ATXN2: variants seen among roughly 807,000 people sequenced by gnomAD.
ATXN2 encodes ataxin-2.
Under a neutral mutation model 138.6 loss-of-function variants are expected in ATXN2, and 37 were observed. The ratio of observed to expected loss-of-function variants is 0.27; its 90% CI spans 0.21 to 0.35. The LOEUF (loss-of-function observed/expected upper bound fraction) is 0.35. Ranked by LOEUF, ATXN2 falls within the 10% of genes least tolerant of loss-of-function variation. ATXN2 has a pLI of 1.00. For synonymous variants in ATXN2, 549 were observed against 543.7 expected, an observed-to-expected ratio of 1.01 and a Z score of -0.13; for missense variants, 1,216 against 1,480.3, an observed-to-expected ratio of 0.82 and a Z score of 2.93.
chr12:111,456,372 TA>T, intron 22 of ATXN2, 116 bp from the exon 23 acceptor site: 1 of 1,073,324 alleles, frequency 9.3e-7, no homozygotes, highest in African/African-American at 1.6e-5. Context: ...CACTGGAAAG[TA>T]CAGGAGAATG....
intron 3 of ATXN2, among the ~76,000 whole-genome samples, chr12:111,553,919 G>T (rs1305110287): frequency 6.6e-6 from 1 of 151,920 alleles, no homozygotes; most frequent in Non-Finnish European, 1.5e-5. Flanking sequence ...AAATATTTTT[G>T]ATCCAAGGTT....
chr12:111,468,014 C>T (rs1378489608), intron 20 of ATXN2, among the ~76,000 whole-genome samples: 5 of 152,218 alleles, frequency 3.3e-5, no homozygotes. Context: ...TTAAAAGTTT[C>T]AGATCTGATT....
At chr12:111,482,683 A>G (rs532972864) in intron 18 of ATXN2, 1 of 152,124 alleles carries the variant, frequency 6.6e-6, no homozygotes, top group Non-Finnish European at 1.5e-5. Flanking sequence ...TGATACATGA[A>G]CACCTTAACA....
intron 18 of ATXN2, among the ~76,000 whole-genome samples, chr12:111,477,224 C>T (rs1039585985): frequency 1.3e-5 from 2 of 149,990 alleles, no homozygotes; most frequent in Non-Finnish European, 3.0e-5. Context: ...GGTGTAGTGG[C>T]GGGCACCTGT....
intron 20 of ATXN2, among the ~76,000 whole-genome samples, chr12:111,467,154 TTAAA>T (rs1204261194): frequency 6.6e-6 from 1 of 151,904 alleles, no homozygotes; most frequent in East Asian, 1.9e-4. Context: ...TTTCTTTTTT[TTAAA>T]TAGAGACAGG....
chr12:111,453,768 G>A lies in ATXN2; in HGVS notation c.3348C>T (p.Pro1116=), dbSNP rs367732782. 674 of 1,614,124 alleles carry A rather than the reference G, an allele frequency of 4.2e-4. 4 individuals carry two copies. Among genetic ancestry groups the A allele is most frequent in the Middle Eastern group, 2.6e-3 (16 of 6,062 alleles). The change falls in exon 24 of 25, where the codon CCC becomes CCT. Residue 1116 remains proline, a synonymous_variant. Coordinates refer to ENST00000673436, the MANE Select transcript of ATXN2 (RefSeq NM_001372574.1). The surrounding 1 kb of genome is among the most constrained non-coding windows in gnomAD (Gnocchi z 5.4). ...GAGCGAGGGCGGCCTGGGGACCGCC[G>A]GGTGGCTGTGTCGTCATTAGCATCA... ...APMMLMTTQP[P]GGPQAALAQS... is the part of the protein sequence containing the mutation.
chr12:111,555,280 C>T (rs764449329), intron 2 of ATXN2, among the ~76,000 whole-genome samples: 11 of 152,118 alleles, frequency 7.2e-5, no homozygotes, highest in African/African-American at 9.7e-5. Flanking sequence ...AAAGAACAAG[C>T]GACTTGTTCT....
At chr12:111,517,521 C>T (rs1879922026) in intron 9 of ATXN2, among the ~76,000 whole-genome samples, 1 of 152,120 alleles carries the variant, frequency 6.6e-6, no homozygotes, top group South Asian at 2.1e-4. Context: ...CATACTATTG[C>T]TATTACTATT....
Position 111,593,863 on chromosome 12 carries a change from T to C in ATXN2, c.251+4921A>G, listed in dbSNP as rs550636870. On this transcript the variant is annotated intron_variant, in intron 1 of 24. Transcript: ENST00000673436. The stretch of plus-strand genomic sequence containing the variant: ...TAGTATCAATGTGCACATAAAAGAA[T>C]AACAAAGGATGATGCCATTTAAACC... Among the ~76,000 whole-genome samples the C allele has an allele frequency of 3.9e-5, 6 of 152,326 alleles. No homozygotes were observed. In the South Asian group the frequency reaches 8.3e-4, roughly 21 times the overall value.
rs1200564134 is a variant in ATXN2, at chr12:111,599,265, C to CGCCGTT, written c.-237_-232dup. On this transcript the variant is annotated 5_prime_UTR_variant, in exon 1 of 25. Transcript: ENST00000673436. ...CGGGAGCCGGGCCGAAACGCGCCGC[C>CGCCGTT]GCCGTTGCCGTTGCTACCAAAACAG... 5.2e-6 allele frequency: 6 copies of CGCCGTT among 1,159,570 alleles called. No individual in the cohort carries two copies. The highest frequency in any genetic ancestry group is 6.3e-6 in the Non-Finnish European group (6 of 945,262). 71.8% of individuals were successfully genotyped at this position (1,159,570 alleles called of 1,614,324 possible).
chr12:111,528,159 G>A (rs1028282529), intron 5 of ATXN2, among the ~76,000 whole-genome samples: 24 of 152,246 alleles, frequency 1.6e-4, no homozygotes, highest in African/African-American at 5.1e-4. Context: ...CATTTATTTA[G>A]ATAGAAGCTC....
chr12:111,581,266 A>C, intron 1 of ATXN2: 6 of 422,668 alleles, frequency 1.4e-5, no homozygotes, highest in Non-Finnish European at 2.6e-5. Flanking sequence ...CCGTAAATAG[A>C]ATGAGTACTA....
intron 20 of ATXN2, among the ~76,000 whole-genome samples, chr12:111,466,031 T>C (rs1875984285): frequency 6.6e-6 from 1 of 151,394 alleles, no homozygotes; most frequent in African/African-American, 2.4e-5. Flanking sequence ...CCAGGTGTGG[T>C]GGCGGGCACC....
chr12:111,543,953 C>G (rs1448937425), intron 5 of ATXN2, among the ~76,000 whole-genome samples: 1 of 152,116 alleles, frequency 6.6e-6, no homozygotes, highest in East Asian at 1.9e-4. Flanking sequence ...CGGCGTGCAC[C>G]TGTAGCCCCA....
At chr12:111,455,732 C>T (rs999701645) in intron 23 of ATXN2, 11 of 486,448 alleles carry the variant, frequency 2.3e-5, no homozygotes, top group Admixed American at 1.6e-4. Flanking sequence ...GCTATATAGA[C>T]ATAGCAAAGC....
chr12:111,551,796 G>GTTT (rs957088295), intron 5 of ATXN2, among the ~76,000 whole-genome samples: 6 of 151,870 alleles, frequency 4.0e-5, no homozygotes, highest in African/African-American at 1.5e-4. Context: ...AGTTCTAATT[G>GTTT]TTTTCCAACA....
chr12:111,470,191 G>A lies in ATXN2; in HGVS notation c.2759C>T (p.Ala920Val), dbSNP rs764641545. The A allele has an allele frequency of 4.3e-6, 7 of 1,614,120 alleles. 1 individual carries two copies. The highest frequency in any genetic ancestry group is 4.2e-6 in the Non-Finnish European group (5 of 1,179,986). Residue 920 changes from alanine to valine, a missense_variant, in exon 20 of 25, where the codon GCA becomes GTA. Coordinates refer to ENST00000673436, the MANE Select transcript of ATXN2 (RefSeq NM_001372574.1). ...ACCAGGCTGGGCGTGTGTTGGTGGTGCCATCATTCTAGCATTACCCTGTAT... is the reference window on the plus strand; with the variant it reads ...ACCAGGCTGGGCGTGTGTTGGTGGTACCATCATTCTAGCATTACCCTGTAT... ...PVIQGNARMM[A>V]PPTHAQPGLV...
chr12:111,531,596 C>G (rs1383831980), intron 5 of ATXN2, among the ~76,000 whole-genome samples: 1 of 150,986 alleles, frequency 6.6e-6, no homozygotes, highest in Non-Finnish European at 1.5e-5. Flanking sequence ...ACTACTACAC[C>G]ATGTATTATA....
At chr12:111,488,807 A>T in intron 14 of ATXN2, 27 bp from the exon 15 acceptor site, 1 of 1,516,534 alleles carries the variant, frequency 6.6e-7, no homozygotes, top group Admixed American at 2.0e-5. Flanking sequence ...ATTATACTTA[A>T]ATATCTTAAA....
Sources: gnomAD v4.1 joint callset for allele counts (sites outside exome capture counted in the v4.1 genomes callset) on GRCh38, gnomAD v4.1.1 for gene constraint, Gnocchi (gnomAD v3.1) non-coding constraint, MANE v1.5 for transcripts, NCBI Gene and HGNC (gene_info 2026-07-23, HGNC 2026-07-21) for gene names.